Variants in NDUFS4 observed in about 807,000 individuals in gnomAD.
NDUFS4 encodes NADH:ubiquinone oxidoreductase subunit S4, also known as NADH dehydrogenase [ubiquinone] iron-sulfur protein 4, mitochondrial.
NDUFS4 carries 28 observed loss-of-function variants against 24.3 expected under a neutral mutation model. The ratio of observed to expected loss-of-function variants is 1.15; its 90% CI spans 0.85 to 1.58. The LOEUF is 1.58. NDUFS4 is among the 40% of genes most tolerant of loss of function. The pLI, the probability that NDUFS4 is intolerant of heterozygous loss-of-function variation, is 0.00. For missense variants in NDUFS4, 223 were observed against 207.9 expected (o/e 1.07, Z -0.45); for synonymous variants, 93 against 69.7 (o/e 1.34, Z -1.67).
At chr5:53,593,244 G>T (rs1197983916) in intron 1 of NDUFS4, among the ~76,000 whole-genome samples, 1 of 151,940 alleles carries the variant, frequency 6.6e-6, no homozygotes, top group Non-Finnish European at 1.5e-5. Context: ...ATTGCTCCTT[G>T]TGAGAGTTTT....
intron 2 of NDUFS4, 95 bp downstream of exon 2, chr5:53,603,625 G>A (rs932951532): frequency 1.7e-5 from 17 of 983,718 alleles, no homozygotes; most frequent in Non-Finnish European, 3.2e-6. Flanking sequence ...TTTCAGGAAA[G>A]TGATTTGAAT....
chr5:53,603,047 T>G (rs1750375053), intron 1 of NDUFS4, among the ~76,000 whole-genome samples: 1 of 152,210 alleles, frequency 6.6e-6, no homozygotes, highest in South Asian at 2.1e-4. Context: ...TTATTATGAT[T>G]GGGATTTTTT....
chr5:53,683,010 TA>T (rs1740721822), intron 4 of NDUFS4, 107 bp from the exon 5 acceptor site: 1 of 802,384 alleles, frequency 1.2e-6, no homozygotes, highest in African/African-American at 1.7e-5. Context: ...CTCTTGATGA[TA>T]AATGAACATT....
intron 2 of NDUFS4, among the ~76,000 whole-genome samples, chr5:53,634,674 G>C (rs1751499095): frequency 6.6e-6 from 1 of 151,754 alleles, no homozygotes; most frequent in Non-Finnish European, 1.5e-5. Flanking sequence ...GCTGGTCTCA[G>C]ATTTCCTGTG....
intron 1 of NDUFS4, among the ~76,000 whole-genome samples, chr5:53,580,252 A>G (rs1041589248): frequency 6.6e-6 from 1 of 152,174 alleles, no homozygotes; most frequent in African/African-American, 2.4e-5. Context: ...GGCAACTACA[A>G]ATGGGTAGAG....
At chr5:53,578,607 G>A (rs949036334) in intron 1 of NDUFS4, among the ~76,000 whole-genome samples, 3 of 152,038 alleles carry the variant, frequency 2.0e-5, no homozygotes, top group Admixed American at 6.6e-5. Flanking sequence ...GTCCTGTTCC[G>A]TAAAATGGAC....
intron 4 of NDUFS4, among the ~76,000 whole-genome samples, chr5:53,664,254 G>A (rs1475631191): frequency 6.6e-6 from 1 of 152,142 alleles, no homozygotes; most frequent in Non-Finnish European, 1.5e-5. Context: ...CTCTCTTGCT[G>A]CCGTTAACAT....
chr5:53,563,236 CA>C lies in NDUFS4; in HGVS notation c.98+2494del, dbSNP rs906204561. Among the ~76,000 whole-genome samples the C allele has an allele frequency of 1.6e-3, 163 of 105,088 alleles. 1 individual carries two copies. Among genetic ancestry groups the C allele is most frequent in the South Asian group, 6.0e-3 (19 of 3,184 alleles). 68.9% of individuals were successfully genotyped at this position (105,088 alleles called of 152,430 possible). ...AGAGCCAGACTGTGTCTCAAAAAAA[CA>C]AAAAAAAAAAAAAAAAAGAAAAGGA... On this transcript the variant is annotated intron_variant, in intron 1 of 4. Coordinates refer to ENST00000296684, the MANE Select transcript of NDUFS4 (RefSeq NM_002495.4).
chr5:53,573,460 A>G, intron 1 of NDUFS4: 1 of 304,450 alleles, frequency 3.3e-6, no homozygotes, highest in Non-Finnish European at 6.4e-6. Flanking sequence ...ATGTCTCTTT[A>G]TTTATTTATC....
At chr5:53,662,626 G>C (rs939012289) in intron 4 of NDUFS4, among the ~76,000 whole-genome samples, 5 of 151,968 alleles carry the variant, frequency 3.3e-5, no homozygotes, top group Admixed American at 2.6e-4. Flanking sequence ...ATCTGGTCCT[G>C]GACTTTTTTT....
intron 2 of NDUFS4, among the ~76,000 whole-genome samples, chr5:53,606,041 G>A (rs1447521407): frequency 8.9e-4 from 133 of 148,930 alleles, no homozygotes; most frequent in African/African-American, 2.9e-3. Flanking sequence ...AAAATTAGCC[G>A]GGCATGGTGG....
chr5:53,561,273 T>G (rs1748836072), intron 1 of NDUFS4, among the ~76,000 whole-genome samples: 2 of 152,140 alleles, frequency 1.3e-5, no homozygotes, highest in Non-Finnish European at 1.5e-5. Context: ...TGGAATTCAG[T>G]GTTAGTAAAA....
At chr5:53,586,638 T>C (rs1320869619) in intron 1 of NDUFS4, among the ~76,000 whole-genome samples, 1 of 152,172 alleles carries the variant, frequency 6.6e-6, no homozygotes, top group Non-Finnish European at 1.5e-5. Flanking sequence ...TTCTCCTGTC[T>C]CAGCCTCTTG....
intron 2 of NDUFS4, among the ~76,000 whole-genome samples, chr5:53,621,342 G>A: frequency 6.6e-6 from 1 of 151,996 alleles, no homozygotes; most frequent in East Asian, 1.9e-4. Context: ...GCGATTATAT[G>A]TGGGTCTTAC....
At position 53,603,500 on chromosome 5, in the gene NDUFS4, C is replaced by T; in HGVS notation, c.147C>T (p.Asp49=). ...TWRLAQDQTQ[D]TQLITVDEKL... ...GATTGGCACAGGACCAGACTCAAGACACACAACTCATAACAGTTGATGAAA... is the reference window on the plus strand; with the variant it reads ...GATTGGCACAGGACCAGACTCAAGATACACAACTCATAACAGTTGATGAAA... The change falls in exon 2 of 5, where the codon GAC becomes GAT. Residue 49 remains aspartate, a synonymous_variant. Transcript: ENST00000296684. 1.2e-6 allele frequency: 2 copies of T among 1,613,888 alleles called. No homozygotes were observed. The highest frequency in any genetic ancestry group is 1.7e-6 in the Non-Finnish European group (2 of 1,179,926).
chr5:53,600,265 C>G (rs186264085), intron 1 of NDUFS4, among the ~76,000 whole-genome samples: 1 of 151,996 alleles, frequency 6.6e-6, no homozygotes, highest in East Asian at 1.9e-4. Context: ...TCCCAAAGTG[C>G]TGGGATTACA....
chr5:53,612,036 TAC>T (rs1188687620), intron 2 of NDUFS4, among the ~76,000 whole-genome samples: 1 of 152,048 alleles, frequency 6.6e-6, no homozygotes, highest in Non-Finnish European at 1.5e-5. Context: ...AACTATTTAG[TAC>T]AGTTAAAATA....
At chr5:53,618,704 A>T (rs746938252) in intron 2 of NDUFS4, among the ~76,000 whole-genome samples, 7 of 152,140 alleles carry the variant, frequency 4.6e-5, no homozygotes, top group Non-Finnish European at 2.9e-5. Context: ...TTCCAGTGAG[A>T]AATTTCTTTA....
At chr5:53,560,849 G>C in intron 1 of NDUFS4, 89 bp downstream of exon 1, 5 of 1,595,284 alleles carry the variant, frequency 3.1e-6, no homozygotes, top group Non-Finnish European at 4.3e-6. Context: ...AGGAGGCCTC[G>C]GGGAAGGCGT....
Sources: allele counts gnomAD v4.1 joint callset (sites outside exome capture counted in the v4.1 genomes callset), GRCh38; gene constraint gnomAD v4.1.1; transcripts MANE v1.5; gene names NCBI Gene and HGNC (gene_info 2026-07-23, HGNC 2026-07-21).